DIS3L2: variants seen among roughly 807,000 people sequenced by gnomAD.
The protein encoded by DIS3L2 is DIS3-like exonuclease 2.
A neutral mutation model predicts 97.5 loss-of-function variants in DIS3L2; 34 were observed. The observed-to-expected ratio is 0.35, with a 90% CI of 0.27 to 0.46. DIS3L2 has a LOEUF of 0.46. Among genes scored for constraint, DIS3L2 ranks in the 20% least tolerant of loss-of-function variants. DIS3L2 has a pLI of 1.00. For synonymous variants in DIS3L2, 435 were observed against 445.2 expected (o/e 0.98, Z 0.29); for missense variants, 1,038 against 1,146.0 (o/e 0.91, Z 1.36).
chr2:232,052,086 C>T (rs920494409), intron 5 of DIS3L2, among the ~76,000 whole-genome samples: 16 of 150,408 alleles, frequency 1.1e-4, no homozygotes, highest in East Asian at 2.0e-4. Flanking sequence ...TGCAGTGGTG[C>T]GATTTTGGCT....
At chr2:232,333,811 G>A (rs373547846) in intron 16 of DIS3L2, 29 bp from the exon 17 acceptor site, 130 of 1,589,336 alleles carry the variant, frequency 8.2e-5, no homozygotes, top group Non-Finnish European at 1.1e-4. Flanking sequence ...CTCTGGGCTT[G>A]TCAGGCTCTG....
chr2:232,021,660 T>C (rs750107177), intron 3 of DIS3L2, among the ~76,000 whole-genome samples: 1 of 152,060 alleles, frequency 6.6e-6, no homozygotes, highest in Non-Finnish European at 1.5e-5. Flanking sequence ...GTTAGTGAAT[T>C]GGAGCTTTGA....
intron 6 of DIS3L2, among the ~76,000 whole-genome samples, chr2:232,090,676 A>G (rs529079847): frequency 5.9e-5 from 9 of 152,218 alleles, no homozygotes; most frequent in Non-Finnish European, 1.3e-4. Context: ...TTTTCCTAAG[A>G]CTTCTAGAAA....
intron 1 of DIS3L2, among the ~76,000 whole-genome samples, chr2:231,964,570 G>A (rs1692659854): frequency 6.6e-6 from 1 of 152,146 alleles, no homozygotes; most frequent in Non-Finnish European, 1.5e-5. Context: ...GTTGGATAAC[G>A]ACTTTATTTT....
chr2:232,137,045 G>T (rs888530084), intron 8 of DIS3L2, among the ~76,000 whole-genome samples: 1 of 152,140 alleles, frequency 6.6e-6, no homozygotes, highest in Non-Finnish European at 1.5e-5. Context: ...CAAACAACCA[G>T]TCCTCTCCTT....
chr2:232,095,903 C>T (rs887007155), intron 6 of DIS3L2, among the ~76,000 whole-genome samples: 1 of 152,022 alleles, frequency 6.6e-6, no homozygotes, highest in Non-Finnish European at 1.5e-5. Context: ...AAAGTTTCCA[C>T]TGGAAAGTCT....
rs1691695695 is a variant in DIS3L2 at position 232,194,502 on chromosome 2, CATGGAGG to C, written c.1125-15821_1125-15815del. On this transcript the variant is annotated intron_variant, in intron 9 of 20. Coordinates refer to ENST00000325385, the MANE Select transcript of DIS3L2 (RefSeq NM_152383.5). ...ATGGAGAAATAGTTTGAAGCCAAAT[CATGGAGG>C]ATACTGGATGCCAAGCTGAGGATTA... Among the ~76,000 whole-genome samples the C allele has an allele frequency of 5.3e-5, 8 of 152,134 alleles. No individual in the cohort carries two copies. In the South Asian group the frequency reaches 1.7e-3, roughly 32 times the overall value.
At chr2:231,991,361 C>T (rs1245821559) in intron 1 of DIS3L2, among the ~76,000 whole-genome samples, 2 of 152,186 alleles carry the variant, frequency 1.3e-5, no homozygotes, top group Non-Finnish European at 2.9e-5. Flanking sequence ...CACTCTTGAA[C>T]TCCTGGACTC....
At chr2:232,271,940 A>G (rs1384570552) in intron 13 of DIS3L2, among the ~76,000 whole-genome samples, 1 of 152,234 alleles carries the variant, frequency 6.6e-6, no homozygotes, top group Admixed American at 6.5e-5. Flanking sequence ...ACAATAGACA[A>G]ACTTGAAAAC....
intron 5 of DIS3L2, among the ~76,000 whole-genome samples, chr2:232,059,323 T>C (rs1318829366): frequency 2.0e-5 from 3 of 152,206 alleles, no homozygotes; most frequent in African/African-American, 4.8e-5. Context: ...TCTAGACTTA[T>C]ATGCTTAGAA....
intron 5 of DIS3L2, among the ~76,000 whole-genome samples, chr2:232,086,712 G>C (rs1473952263): frequency 1.4e-5 from 2 of 140,740 alleles, no homozygotes; most frequent in Non-Finnish European, 3.0e-5. Context: ...GTCTCGCTCT[G>C]TCACCCAGAC....
chr2:232,039,911 A>G (rs1246815535), intron 5 of DIS3L2, among the ~76,000 whole-genome samples: 1 of 152,218 alleles, frequency 6.6e-6, no homozygotes, highest in Non-Finnish European at 1.5e-5. Flanking sequence ...GGAGCAGTTC[A>G]AGGTACCCAG....
intron 13 of DIS3L2, among the ~76,000 whole-genome samples, chr2:232,289,568 C>T (rs1482397698): frequency 6.6e-6 from 1 of 152,212 alleles, no homozygotes. Context: ...CCACCGCGCC[C>T]AGCCAGGAAA....
chr2:232,099,178 T>A (rs1697122580), intron 6 of DIS3L2, among the ~76,000 whole-genome samples: 2 of 152,286 alleles, frequency 1.3e-5, no homozygotes, highest in South Asian at 4.1e-4. Flanking sequence ...TAAAAATACA[T>A]GATTGGATTC....
Position 232,249,327 on chromosome 2 carries a change from C to T in DIS3L2, c.1406C>T (p.Thr469Ile), listed in dbSNP as rs369229385. ...SDKLTFSVIWTLTPEGKILDE... is the reference protein window; with the variant it reads ...SDKLTFSVIWILTPEGKILDE... ...AAGCTGACCTTCTCTGTGATCTGGACACTGACTCCAGAGGGCAAGGTAACA... is the reference window on the plus strand; with the variant it reads ...AAGCTGACCTTCTCTGTGATCTGGATACTGACTCCAGAGGGCAAGGTAACA... The change falls in exon 12 of 21, where the codon ACA (threonine) becomes ATA (isoleucine). Residue 469 changes from threonine (T) to isoleucine (I), a missense_variant. Transcript: ENST00000325385. The T allele has an allele frequency of 5.6e-6, 9 of 1,614,180 alleles. No homozygotes were observed. The African/African-American group carries it at 1.1e-4, about 19-fold the overall frequency.
intron 5 of DIS3L2, among the ~76,000 whole-genome samples, chr2:232,085,347 G>A (rs1696541968): frequency 6.6e-6 from 1 of 152,188 alleles, no homozygotes; most frequent in African/African-American, 2.4e-5. Context: ...CACCATGAAA[G>A]GGACTCCATA....
At chr2:232,296,798 G>C (rs376626231) in intron 13 of DIS3L2, among the ~76,000 whole-genome samples, 4 of 152,146 alleles carry the variant, frequency 2.6e-5, no homozygotes, top group African/African-American at 9.7e-5. Context: ...GACTAATACA[G>C]TAGGCATTCA....
intron 5 of DIS3L2, among the ~76,000 whole-genome samples, chr2:232,047,681 C>A (rs570423750): frequency 6.6e-6 from 1 of 152,276 alleles, no homozygotes; most frequent in South Asian, 2.1e-4. Flanking sequence ...ATATTATTCA[C>A]CCCCAAAAGA....
At chr2:232,137,428 T>A (rs1055989189) in intron 8 of DIS3L2, among the ~76,000 whole-genome samples, 1 of 152,250 alleles carries the variant, frequency 6.6e-6, no homozygotes, top group Admixed American at 6.5e-5. Flanking sequence ...GTGTTTATTA[T>A]AGATGATGTC....
Sources: allele counts gnomAD v4.1 joint callset (sites outside exome capture counted in the v4.1 genomes callset), GRCh38; gene constraint gnomAD v4.1.1; transcripts MANE v1.5; gene names NCBI Gene and HGNC (gene_info 2026-07-23, HGNC 2026-07-21).